SUPT3H: variants seen among roughly 807,000 people sequenced by gnomAD.
SUPT3H encodes the protein transcription initiation protein SPT3 homolog.
Under a neutral mutation model 44.3 loss-of-function variants are expected in SUPT3H, and 44 were observed. That is an observed-to-expected ratio of 0.99 (90% CI 0.78 to 1.28). The LOEUF (loss-of-function observed/expected upper bound fraction) is 1.28. Among genes scored for constraint, SUPT3H ranks in the 50% most tolerant of loss-of-function variants. The pLI is 0.00. For synonymous variants in SUPT3H, 124 were observed against 125.6 expected (o/e 0.99, Z 0.09); for missense variants, 380 against 387.1 (o/e 0.98, Z 0.15).
At chr6:45,245,049 A>C (rs1284789682) in intron 2 of SUPT3H, among the ~76,000 whole-genome samples, 2 of 152,080 alleles carry the variant, frequency 1.3e-5, no homozygotes, top group African/African-American at 4.8e-5. Flanking sequence ...GCATTAAAAG[A>C]TTTTGTAAAA....
At chr6:45,048,905 G>T (rs1583248872) in intron 3 of SUPT3H, among the ~76,000 whole-genome samples, 1 of 152,104 alleles carries the variant, frequency 6.6e-6, no homozygotes, top group South Asian at 2.1e-4. Context: ...GTTATAGAAG[G>T]GTTGGGGAGG....
At chr6:45,358,649 C>T (rs1050414511) in intron 2 of SUPT3H, among the ~76,000 whole-genome samples, 3 of 152,138 alleles carry the variant, frequency 2.0e-5, no homozygotes, top group East Asian at 3.8e-4. Flanking sequence ...ATTTAATCTT[C>T]GTACTAACCC....
At chr6:45,353,000 C>T (rs1792382843) in intron 2 of SUPT3H, among the ~76,000 whole-genome samples, 1 of 152,024 alleles carries the variant, frequency 6.6e-6, no homozygotes, top group South Asian at 2.1e-4. Context: ...ATTCTACATT[C>T]TAGCAAGAAA....
intron 10 of SUPT3H, among the ~76,000 whole-genome samples, chr6:44,926,257 C>A (rs938273147): frequency 2.0e-5 from 3 of 151,900 alleles, no homozygotes; most frequent in African/African-American, 7.2e-5. Context: ...ATTAAAAATA[C>A]AGATGTGTAT....
At chr6:45,317,303 C>A (rs1380388698) in intron 2 of SUPT3H, among the ~76,000 whole-genome samples, 1 of 147,568 alleles carries the variant, frequency 6.8e-6, no homozygotes. Flanking sequence ...AGACTGAATG[C>A]AATCTTTATC....
chr6:45,373,666 TC>T (rs1796400439), intron 1 of SUPT3H, among the ~76,000 whole-genome samples: 1 of 152,162 alleles, frequency 6.6e-6, no homozygotes, highest in Non-Finnish European at 1.5e-5. Context: ...TTCTCCTGCC[TC>T]AGCCTCCTGA....
intron 2 of SUPT3H, among the ~76,000 whole-genome samples, chr6:45,181,379 G>T (rs940116801): frequency 2.0e-5 from 3 of 151,934 alleles, no homozygotes; most frequent in East Asian, 3.9e-4. Context: ...TATACCCAAA[G>T]GACTATAAAT....
intron 2 of SUPT3H, among the ~76,000 whole-genome samples, chr6:45,273,451 C>T (rs1334825848): frequency 6.6e-6 from 1 of 152,156 alleles, no homozygotes; most frequent in Non-Finnish European, 1.5e-5. Context: ...TCAACTTGGG[C>T]AGAATTCATG....
intron 10 of SUPT3H, among the ~76,000 whole-genome samples, chr6:44,886,904 A>G (rs1762390904): frequency 6.6e-6 from 1 of 152,200 alleles, no homozygotes; most frequent in African/African-American, 2.4e-5. Flanking sequence ...AGAAGCTCAA[A>G]ATAAAAGGAT....
intron 2 of SUPT3H, among the ~76,000 whole-genome samples, chr6:45,320,220 C>A (rs1268622708): frequency 6.6e-6 from 1 of 151,982 alleles, no homozygotes; most frequent in Non-Finnish European, 1.5e-5. Flanking sequence ...GTCATTCTTG[C>A]CTGTTCTATA....
At chr6:45,154,071 A>AG (rs1372552954) in intron 2 of SUPT3H, among the ~76,000 whole-genome samples, 6 of 124,782 alleles carry the variant, frequency 4.8e-5, no homozygotes, top group Admixed American at 9.0e-5. Context: ...CTCTGTCTCA[A>AG]GAAAAAAAAA....
At chr6:45,329,212 G>C (rs1451336097) in intron 2 of SUPT3H, among the ~76,000 whole-genome samples, 2 of 151,858 alleles carry the variant, frequency 1.3e-5, no homozygotes, top group African/African-American at 2.4e-5. Flanking sequence ...CAAAATAACA[G>C]ACCACAGAAT....
chr6:45,363,247 C>T (rs1563026720), intron 2 of SUPT3H, among the ~76,000 whole-genome samples: 1 of 152,136 alleles, frequency 6.6e-6, no homozygotes, highest in Non-Finnish European at 1.5e-5. Context: ...TTTACAAAAA[C>T]AGGCAGCAAG....
chr6:45,265,785 G>A (rs1775154257), intron 2 of SUPT3H, among the ~76,000 whole-genome samples: 1 of 152,010 alleles, frequency 6.6e-6, no homozygotes, highest in Non-Finnish European at 1.5e-5. Flanking sequence ...TAGAGGTACT[G>A]AATATATTAT....
intron 2 of SUPT3H, among the ~76,000 whole-genome samples, chr6:45,331,112 T>C (rs1476682428): frequency 6.7e-6 from 1 of 149,396 alleles, no homozygotes; most frequent in Non-Finnish European, 1.5e-5. Flanking sequence ...GTGGTGTGTG[T>C]GTGTGTGTGT....
At chr6:45,101,160 T>A (rs1798514370) in intron 3 of SUPT3H, among the ~76,000 whole-genome samples, 1 of 152,242 alleles carries the variant, frequency 6.6e-6, no homozygotes, top group Admixed American at 6.5e-5. Flanking sequence ...GCGCGGAGGC[T>A]CACGCCTGTA....
intron 2 of SUPT3H, among the ~76,000 whole-genome samples, chr6:45,119,091 C>T (rs771012065): frequency 2.6e-5 from 4 of 152,138 alleles, no homozygotes; most frequent in Non-Finnish European, 5.9e-5. Context: ...GTTGTCTAAT[C>T]TACTGTCATA....
chr6:44,864,393 T>G (rs1323960318), intron 10 of SUPT3H, among the ~76,000 whole-genome samples: 2 of 152,206 alleles, frequency 1.3e-5, no homozygotes, highest in African/African-American at 4.8e-5. Context: ...CTCCACTAGG[T>G]GATGCCCCAG....
chr6:45,088,807 G>A (rs888747904), intron 3 of SUPT3H, among the ~76,000 whole-genome samples: 2 of 151,894 alleles, frequency 1.3e-5, no homozygotes, highest in Admixed American at 6.6e-5. Context: ...ACTGACAGCT[G>A]TCATGGTAGA....
Sources: allele counts gnomAD v4.1 joint callset (sites outside exome capture counted in the v4.1 genomes callset), GRCh38; gene constraint gnomAD v4.1.1; transcripts MANE v1.5; gene names NCBI Gene and HGNC (gene_info 2026-07-23, HGNC 2026-07-21).